SLC7A14: variants seen among roughly 807,000 people sequenced by gnomAD.
The protein encoded by SLC7A14 is gamma-aminobutyric acid transporter SLC7A14.
In SLC7A14, 37 loss-of-function variants were observed where a neutral mutation model predicts 60.2. The ratio of observed to expected loss-of-function variants is 0.61; its 90% CI spans 0.47 to 0.81. The LOEUF (loss-of-function observed/expected upper bound fraction) is 0.81. SLC7A14 is among the 30% of genes least tolerant of loss of function. The pLI, the probability that SLC7A14 is intolerant of heterozygous loss-of-function variation, is 0.00. For missense variants in SLC7A14, 886 were observed against 982.7 expected (o/e 0.90, Z 1.32); for synonymous variants, 399 against 395.8 (o/e 1.01, Z -0.10).
At chr3:170,574,710 C>G (rs1715040388) in intron 1 of SLC7A14, among the ~76,000 whole-genome samples, 1 of 152,208 alleles carries the variant, frequency 6.6e-6, no homozygotes, top group Non-Finnish European at 1.5e-5. Context: ...GAATGAACCT[C>G]AGAGCACATG....
At chr3:170,527,206 A>C (rs11915593) in intron 1 of SLC7A14, 118 bp from the exon 2 acceptor site, 34,932 of 484,748 alleles carry the variant, frequency 0.072, 1,517 homozygotes, top group African/African-American at 0.11. Context: ...CCGTGTGCTC[A>C]TAACACGGAA....
intron 1 of SLC7A14, among the ~76,000 whole-genome samples, chr3:170,575,630 A>C (rs1013454715): frequency 6.6e-6 from 1 of 152,230 alleles, no homozygotes; most frequent in African/African-American, 2.4e-5. Context: ...TAAAATTCCC[A>C]AAGGCAGCAC....
intron 4 of SLC7A14, chr3:170,496,139 G>C: frequency 2.1e-6 from 2 of 957,434 alleles, no homozygotes; most frequent in East Asian, 2.4e-5. Context: ...AGGAGCTGCA[G>C]TCCCAGATCT....
In SLC7A14 at chr3:170,535,981, CG is replaced by C. The variant is rs1275149431; in HGVS notation, c.-152-8894del. Among the ~76,000 whole-genome samples the C allele has an allele frequency of 1.3e-5, 2 of 152,110 alleles. No individual in the cohort carries two copies. The highest frequency in any genetic ancestry group is 2.9e-5 in the Non-Finnish European group (2 of 68,028). ...CTGACTGATACATGGGTATATTAGACGGCTGAGATAGATTCAGGAAATCAAC... is the reference window on the plus strand; with the variant it reads ...CTGACTGATACATGGGTATATTAGACGCTGAGATAGATTCAGGAAATCAAC... On this transcript the variant is annotated intron_variant, in intron 1 of 7. Coordinates refer to ENST00000231706, the MANE Select transcript of SLC7A14 (RefSeq NM_020949.3). This position sits in a 1 kb window ranked among gnomAD's most constrained non-coding sequence, Gnocchi z 4.3.
At chr3:170,540,198 G>A (rs1170083405) in intron 1 of SLC7A14, among the ~76,000 whole-genome samples, 1 of 152,090 alleles carries the variant, frequency 6.6e-6, no homozygotes, top group East Asian at 1.9e-4. Context: ...GTTTGTTTCT[G>A]GAATTTTCCA....
intron 1 of SLC7A14, among the ~76,000 whole-genome samples, chr3:170,550,412 T>A (rs1212557060): frequency 1.3e-5 from 2 of 152,000 alleles, no homozygotes; most frequent in African/African-American, 4.8e-5. Context: ...GTGTTGGTGA[T>A]TCAAATACTA....
chr3:170,561,807 C>T (rs555598316), intron 1 of SLC7A14, among the ~76,000 whole-genome samples: 1 of 152,218 alleles, frequency 6.6e-6, no homozygotes, highest in Admixed American at 6.5e-5. Context: ...AAAAAACAAA[C>T]TATCCCTTCA....
Position 170,498,673 on chromosome 3 carries a change from C to G in SLC7A14, c.753G>C (p.Trp251Cys). The change falls in exon 4 of 8, where the codon TGG becomes TGC. Residue 251 changes from tryptophan (W) to cysteine (C), a missense_variant. Coordinates refer to ENST00000231706, the MANE Select transcript of SLC7A14 (RefSeq NM_020949.3). ...GTGTTTGGAACAAACTTACCCCTGA[C>G]CAGCCGTGGGGCAAGAACTGGCCCT... is the stretch of plus-strand genomic sequence containing the variant. ...WAEGQFLPHG[W>C]SGVLQGAATC... is the part of the protein sequence containing the mutation. The G allele has an allele frequency of 6.2e-7, 1 of 1,614,096 alleles. No homozygotes were observed. The highest frequency in any genetic ancestry group is 2.2e-5 in the East Asian group (1 of 44,870).
chr3:170,556,172 T>C (rs1293743864), intron 1 of SLC7A14, among the ~76,000 whole-genome samples: 1 of 152,080 alleles, frequency 6.6e-6, no homozygotes, highest in Non-Finnish European at 1.5e-5. Flanking sequence ...CTTTTTGCAA[T>C]GAGATGCTAT....
At chr3:170,490,982 C>T (rs1184342458) in intron 4 of SLC7A14, among the ~76,000 whole-genome samples, 1 of 152,142 alleles carries the variant, frequency 6.6e-6, no homozygotes, top group Non-Finnish European at 1.5e-5. Flanking sequence ...GGCACAAACT[C>T]CTCCTCCTTC....
At chr3:170,525,822 A>G (rs1314447657) in intron 2 of SLC7A14, among the ~76,000 whole-genome samples, 1 of 152,176 alleles carries the variant, frequency 6.6e-6, no homozygotes, top group Non-Finnish European at 1.5e-5. Context: ...GCCGCGGCCG[A>G]GGCGGGCGGA....
chr3:170,526,901 C>T lies in SLC7A14; in HGVS notation c.36G>A (p.Arg12=). The stretch of plus-strand genomic sequence containing the variant: ...CATACCAGGCAGCTCCCCACTGCAC[C>T]CGCCGGGGGTCCAGCGAGGTGAAGA... ...SGFFTSLDPR[R]VQWGAAWYAM... Residue 12 remains arginine, a synonymous_variant, in exon 2 of 8, where the codon CGG becomes CGA. Coordinates refer to ENST00000231706, the MANE Select transcript of SLC7A14 (RefSeq NM_020949.3). The T allele has an allele frequency of 6.2e-7, 1 of 1,613,676 alleles. No individual in the cohort carries two copies. The highest frequency in any genetic ancestry group is 8.5e-7 in the Non-Finnish European group (1 of 1,179,854).
Position 170,526,909 on chromosome 3 carries a change from G to A in SLC7A14, c.28C>T (p.Pro10Ser), listed in dbSNP as rs973176032. Residue 10 changes from proline (P) to serine (S), a missense_variant, in exon 2 of 8, where the codon CCC (proline) becomes TCC (serine). By Grantham distance (74) the Pro-to-Ser change is moderately conservative. Transcript: ENST00000231706. ...GCAGCTCCCCACTGCACCCGCCGGG[G>A]GTCCAGCGAGGTGAAGAAGCCACTC... MSGFFTSLD[P>S]RRVQWGAAWY... 6.2e-7 allele frequency: 1 copy of A among 1,613,484 alleles called. No homozygotes were observed. Among genetic ancestry groups the A allele is most frequent in the Non-Finnish European group, 8.5e-7 (1 of 1,179,758 alleles).
intron 1 of SLC7A14, among the ~76,000 whole-genome samples, chr3:170,582,098 C>T: frequency 6.6e-6 from 1 of 152,124 alleles, no homozygotes; most frequent in East Asian, 1.9e-4. Context: ...CAGAGGCTAC[C>T]AGCTCCTTAA....
chr3:170,579,858 G>T (rs1482749585), intron 1 of SLC7A14, among the ~76,000 whole-genome samples: 3 of 152,200 alleles, frequency 2.0e-5, no homozygotes, highest in Non-Finnish European at 4.4e-5. Context: ...TTTAAGCTTT[G>T]AGTTTCTGAA....
At chr3:170,476,417 C>A (rs1711617678) in intron 7 of SLC7A14, among the ~76,000 whole-genome samples, 1 of 152,222 alleles carries the variant, frequency 6.6e-6, no homozygotes, top group African/African-American at 2.4e-5. Flanking sequence ...GAACTGCAGA[C>A]TTCTGTGCCC....
chr3:170,563,210 C>A (rs1411468885), intron 1 of SLC7A14, among the ~76,000 whole-genome samples: 5 of 152,058 alleles, frequency 3.3e-5, no homozygotes, highest in African/African-American at 1.2e-4. Context: ...TCTATCAACA[C>A]CCTTCCATTT....
intron 3 of SLC7A14, 49 bp from the exon 4 acceptor site, chr3:170,498,933 C>T: frequency 6.3e-7 from 1 of 1,578,860 alleles, no homozygotes; most frequent in Non-Finnish European, 8.7e-7. Flanking sequence ...AAGAAAGGGC[C>T]ATGCAAACTC....
chr3:170,513,752 G>C (rs1471033510), intron 2 of SLC7A14, among the ~76,000 whole-genome samples: 3 of 152,164 alleles, frequency 2.0e-5, no homozygotes, highest in Non-Finnish European at 4.4e-5. Flanking sequence ...CCATTCTCTT[G>C]CTTGCTGTTT....
Sources: gnomAD v4.1 joint callset for allele counts (sites outside exome capture counted in the v4.1 genomes callset) on GRCh38, gnomAD v4.1.1 for gene constraint, Gnocchi (gnomAD v3.1) non-coding constraint, MANE v1.5 for transcripts, NCBI Gene and HGNC (gene_info 2026-07-23, HGNC 2026-07-21) for gene names.